Variants in MEGF9 observed in about 807,000 individuals in gnomAD.
The protein encoded by MEGF9 is multiple EGF like domains 9.
A neutral mutation model predicts 46.8 loss-of-function variants in MEGF9; 6 were observed. The ratio of observed to expected loss-of-function variants is 0.13; its 90% confidence interval spans 0.07 to 0.25. MEGF9 has a LOEUF of 0.25. Among genes scored for constraint, MEGF9 ranks in the 10% least tolerant of loss-of-function variants. MEGF9 has a pLI of 1.00. For synonymous variants in MEGF9, 302 were observed against 330.7 expected, an observed-to-expected ratio of 0.91 and a Z score of 0.94; for missense variants, 683 against 792.4, an observed-to-expected ratio of 0.86 and a Z score of 1.66.
intron 1 of MEGF9, among the ~76,000 whole-genome samples, chr9:120,667,885 C>T (rs1353384056): frequency 6.6e-6 from 1 of 152,112 alleles, no homozygotes; most frequent in Non-Finnish European, 1.5e-5. Flanking sequence ...ATTAGTCAGG[C>T]ATGGTGGCAT....
intron 2 of MEGF9, among the ~76,000 whole-genome samples, chr9:120,624,599 G>A (rs539099827): frequency 6.6e-6 from 1 of 152,246 alleles, no homozygotes; most frequent in East Asian, 1.9e-4. Flanking sequence ...CGGGCGTGGT[G>A]GCTCACACCT....
chr9:120,614,424 A>C (rs147268797), intron 3 of MEGF9, among the ~76,000 whole-genome samples: 2 of 152,324 alleles, frequency 1.3e-5, no homozygotes, highest in African/African-American at 4.8e-5. Context: ...ATTTTCAATC[A>C]TGTAATTGTA....
intron 2 of MEGF9, among the ~76,000 whole-genome samples, chr9:120,655,714 C>T (rs1302659382): frequency 6.6e-6 from 1 of 152,140 alleles, no homozygotes; most frequent in Non-Finnish European, 1.5e-5. Context: ...CAGTAAAGCA[C>T]CTATACAAAA....
At chr9:120,690,635 AG>A in intron 1 of MEGF9, among the ~76,000 whole-genome samples, 1 of 152,148 alleles carries the variant, frequency 6.6e-6, no homozygotes, top group Non-Finnish European at 1.5e-5. Flanking sequence ...TCAGTGACCA[AG>A]CAACCAATAT....
At chr9:120,700,141 G>A (rs976145452) in intron 1 of MEGF9, among the ~76,000 whole-genome samples, 7 of 152,120 alleles carry the variant, frequency 4.6e-5, no homozygotes, top group African/African-American at 1.4e-4. Context: ...AAAACCTTTG[G>A]TGACTGGAAG....
At chr9:120,644,196 A>G (rs905633863) in intron 2 of MEGF9, among the ~76,000 whole-genome samples, 1 of 152,182 alleles carries the variant, frequency 6.6e-6, no homozygotes, top group South Asian at 2.1e-4. Flanking sequence ...AGCCTCTTCC[A>G]ATCTGACAGT....
chr9:120,629,563 G>C (rs1228659136), intron 2 of MEGF9, among the ~76,000 whole-genome samples: 1 of 152,104 alleles, frequency 6.6e-6, no homozygotes, highest in African/African-American at 2.4e-5. Context: ...GCTTGAATCT[G>C]GGAGGCGGAG....
intron 1 of MEGF9, among the ~76,000 whole-genome samples, chr9:120,667,510 A>G (rs948671444): frequency 6.6e-6 from 1 of 152,126 alleles, no homozygotes; most frequent in African/African-American, 2.4e-5. Flanking sequence ...TAAAAACCCT[A>G]CTCTGTTTAA....
In MEGF9 at chr9:120,608,012, TAA is replaced by T; in HGVS notation, c.1088-4_1088-3del. 6.2e-7 allele frequency: 1 copy of T among 1,613,266 alleles called. No individual in the cohort carries two copies. The highest frequency in any genetic ancestry group is 1.1e-5 in the South Asian group (1 of 91,084). On this transcript the variant is annotated splice_region_variant and splice_polypyrimidine_tract_variant and intron_variant, in intron 4 of 5. Coordinates refer to ENST00000373930, the MANE Select transcript of MEGF9 (RefSeq NM_001080497.3). Reference sequence around the variant, plus strand: ...ATTCAGGTTCCAATTCACTCGATTCTAAAAGAGAGAATGCCAAAATAGTTTAG... The same window carrying T: ...ATTCAGGTTCCAATTCACTCGATTCTAAGAGAGAATGCCAAAATAGTTTAG...
intron 1 of MEGF9, among the ~76,000 whole-genome samples, chr9:120,686,978 T>C (rs1388239368): frequency 6.6e-6 from 1 of 152,122 alleles, no homozygotes; most frequent in African/African-American, 2.4e-5. Context: ...TGTATATATA[T>C]ATATTTAGAT....
At chr9:120,668,340 TTAAAC>T in intron 1 of MEGF9, among the ~76,000 whole-genome samples, 2 of 152,346 alleles carry the variant, frequency 1.3e-5, no homozygotes, top group South Asian at 4.1e-4. Context: ...ATGAATTTCT[TTAAAC>T]TAGACTTTGT....
Position 120,604,368 on chromosome 9 carries a change from G to A in MEGF9, c.*822C>T, listed in dbSNP as rs993315413. ...TCTTTTTACAACACCATTAACTGCT[G>A]TACAAATAAATTCCAGATGATAAAA... On this transcript the variant is annotated 3_prime_UTR_variant, in exon 6 of 6. Transcript: ENST00000373930. The A allele has an allele frequency of 6.6e-6, 1 of 152,248 alleles. No individual in the cohort carries two copies. The highest frequency in any genetic ancestry group is 2.4e-5 in the African/African-American group (1 of 41,334). The allele number at this position is 152,248 out of a possible 1,614,324, so 9.4% of individuals were successfully genotyped here. A position where few individuals can be genotyped will look rare whatever the true frequency, so the allele number is the denominator to read the frequency against.
chr9:120,611,865 A>AG (rs572613293), intron 4 of MEGF9, among the ~76,000 whole-genome samples: 23 of 137,214 alleles, frequency 1.7e-4, no homozygotes, highest in African/African-American at 5.9e-4. Context: ...GGAAGGAAGA[A>AG]AGAGAGAGAG....
intron 1 of MEGF9, among the ~76,000 whole-genome samples, chr9:120,683,756 T>TG (rs2043809155): frequency 6.6e-6 from 1 of 151,854 alleles, no homozygotes; most frequent in Admixed American, 6.6e-5. Context: ...TAGCCAGGTG[T>TG]GGGGGCACAC....
rs887781322 is a variant in MEGF9 at position 120,641,603 on chromosome 9, C to T, written c.803+17771G>A. ...ACTTTAGCATGCTGATTCTTGGGCCCTATCCCAGACTTTTTTATTCAATAG... is the reference window on the plus strand; with the variant it reads ...ACTTTAGCATGCTGATTCTTGGGCCTTATCCCAGACTTTTTTATTCAATAG... On this transcript the variant is annotated intron_variant, in intron 2 of 5. Transcript: ENST00000373930. 3.9e-5 allele frequency among the ~76,000 whole-genome samples: 6 copies of T among 152,298 alleles called. 1 individual carries two copies. In the South Asian group the frequency reaches 6.2e-4, roughly 16 times the overall value.
chr9:120,634,556 C>T (rs1421019599), intron 2 of MEGF9, among the ~76,000 whole-genome samples: 5 of 134,004 alleles, frequency 3.7e-5, no homozygotes, highest in African/African-American at 1.1e-4. Flanking sequence ...CTGGGGTTCA[C>T]GCCATTCTCC....
chr9:120,613,696 G>A (rs528684023), intron 3 of MEGF9, among the ~76,000 whole-genome samples: 1 of 152,232 alleles, frequency 6.6e-6, no homozygotes, highest in African/African-American at 2.4e-5. Flanking sequence ...AATACAAAAT[G>A]AGAAAGTGTA....
Position 120,648,626 on chromosome 9 carries a change from C to T in MEGF9, c.803+10748G>A, listed in dbSNP as rs527594058. ...GTAATATCTTTTGACATATGGTTGG[C>T]AAATGCAATGTCTTTTTAAAAATAA... is the stretch of plus-strand genomic sequence containing the variant. On this transcript the variant is annotated intron_variant, in intron 2 of 5. Coordinates refer to ENST00000373930, the MANE Select transcript of MEGF9 (RefSeq NM_001080497.3). Among the ~76,000 whole-genome samples the T allele has an allele frequency of 6.6e-5, 10 of 152,260 alleles. No individual in the cohort carries two copies. In the East Asian group the frequency reaches 1.9e-3, roughly 29 times the overall value.
intron 2 of MEGF9, among the ~76,000 whole-genome samples, chr9:120,628,477 T>TTC (rs1554795264): frequency 1.4e-5 from 2 of 138,086 alleles, no homozygotes; most frequent in Admixed American, 7.2e-5. Flanking sequence ...TGTTTTTTTT[T>TTC]TTTTTTTTTT....
Sources: gnomAD v4.1 joint callset for allele counts (sites outside exome capture counted in the v4.1 genomes callset) on GRCh38, gnomAD v4.1.1 for gene constraint, MANE v1.5 for transcripts, NCBI Gene and HGNC (gene_info 2026-07-23, HGNC 2026-07-21) for gene names.